TTC9C: variants seen among roughly 807,000 people sequenced by gnomAD.
TTC9C encodes tetratricopeptide repeat domain 9C.
A neutral mutation model predicts 22.5 loss-of-function variants in TTC9C; 15 were observed. The ratio of observed to expected loss-of-function variants is 0.67; its 90% CI spans 0.45 to 1.03. The LOEUF is 1.03. TTC9C is among the 50% of genes least tolerant of loss of function. TTC9C has a pLI of 0.00. For missense variants in TTC9C, 244 were observed against 214.6 expected, an observed-to-expected ratio of 1.14 and a Z score of -0.86; for synonymous variants, 92 against 86.8, an observed-to-expected ratio of 1.06 and a Z score of -0.33.
chr11:62,729,090 A>C lies in TTC9C; in HGVS notation c.238+4A>C, dbSNP rs761169041. 4 of 1,612,920 alleles carry C rather than the reference A, an allele frequency of 2.5e-6. No individual in the cohort carries two copies. In the South Asian group the frequency reaches 3.3e-5, roughly 13 times the overall value. On this transcript the variant is annotated splice_donor_region_variant and intron_variant, in intron 1 of 2. Coordinates refer to ENST00000316461, the MANE Select transcript of TTC9C (RefSeq NM_173810.4). The stretch of plus-strand genomic sequence containing the variant: ...GACTGCTATAACAATCTAGCTGGTA[A>C]GAACGGGGCTAAAGGGTGGCTAGAG...
intron 1 of TTC9C, among the ~76,000 whole-genome samples, chr11:62,732,347 G>T (rs984167021): frequency 2.6e-5 from 4 of 151,842 alleles, no homozygotes; most frequent in Non-Finnish European, 5.9e-5. Flanking sequence ...GGTGGCTCAT[G>T]TCTGTAATCC....
chr11:62,728,432 C>G (rs544425415), upstream of TTC9C: 2 of 452,726 alleles, frequency 4.4e-6, no homozygotes, highest in South Asian at 1.6e-5. Context: ...GTCCCGCCCA[C>G]TCCCTTCTAC....
intron 1 of TTC9C, among the ~76,000 whole-genome samples, chr11:62,732,330 C>T (rs1317171560): frequency 1.3e-5 from 2 of 150,768 alleles, no homozygotes; most frequent in African/African-American, 2.4e-5. Flanking sequence ...TTACTTGGGC[C>T]GGGCATGGTG....
rs1418732151 is a variant in TTC9C at position 62,728,818 on chromosome 11, C to G, written c.-31C>G. 6.2e-7 allele frequency: 1 copy of G among 1,609,994 alleles called. No homozygotes were observed. The highest frequency in any genetic ancestry group is 1.3e-5 in the African/African-American group (1 of 74,776). ...CAGAGCTTCACTTGCTCCTTCACTT[C>G]CCAGTTCCGCAAGAACCGTGGGCGA... On this transcript the variant is annotated 5_prime_UTR_variant, in exon 1 of 3. Transcript: ENST00000316461.
In TTC9C at chr11:62,733,075, T is replaced by C. The variant is rs1255602635; in HGVS notation, c.239-2307T>C. The stretch of plus-strand genomic sequence containing the variant: ...CTCATCACTGCTGATTCTTGATCTT[T>C]CTCAGCACCATGATTTAATAATACT... On this transcript the variant is annotated intron_variant, in intron 1 of 2. Transcript: ENST00000316461. The C allele has an allele frequency of 1.5e-5, 18 of 1,182,922 alleles. No homozygotes were observed. In the East Asian group the frequency reaches 2.9e-4, roughly 19 times the overall value. The allele number at this position is 1,182,922 out of a possible 1,614,324, so 73.3% of individuals were successfully genotyped here. A position where few individuals can be genotyped will look rare whatever the true frequency, so the allele number is the denominator to read the frequency against.
chr11:62,728,338 G>C (rs1276717013), upstream of TTC9C: 3 of 360,722 alleles, frequency 8.3e-6, no homozygotes, highest in Non-Finnish European at 1.6e-5. Context: ...CGGCTTCCCA[G>C]TTTATTTATT....
At chr11:62,729,851 C>T (rs2083826543) in intron 1 of TTC9C, among the ~76,000 whole-genome samples, 2 of 152,178 alleles carry the variant, frequency 1.3e-5, no homozygotes, top group African/African-American at 4.8e-5. Flanking sequence ...GCTGGGATTA[C>T]ATGCGTGAGC....
chr11:62,738,201 A>G (rs2083933068), intron 2 of TTC9C, 87 bp from the exon 3 acceptor site: 3 of 734,042 alleles, frequency 4.1e-6, no homozygotes, highest in Non-Finnish European at 6.9e-6. Flanking sequence ...AAATGGGAGC[A>G]TGTTAACATT....
chr11:62,732,651 T>C (rs1590911695), intron 1 of TTC9C, among the ~76,000 whole-genome samples: 1 of 148,840 alleles, frequency 6.7e-6, no homozygotes, highest in Admixed American at 6.7e-5. Flanking sequence ...CCAGGTGCGG[T>C]GGCTCACGCC....
At chr11:62,729,984 A>G (rs1565169679) in intron 1 of TTC9C, among the ~76,000 whole-genome samples, 1 of 152,206 alleles carries the variant, frequency 6.6e-6, no homozygotes, top group Non-Finnish European at 1.5e-5. Context: ...TATTTAAGGG[A>G]CATTTAATAT....
Position 62,729,097 on chromosome 11 carries a change from G to A in TTC9C, c.238+11G>A. ...ATAACAATCTAGCTGGTAAGAACGG[G>A]GCTAAAGGGTGGCTAGAGAGCATTA... On this transcript the variant is annotated intron_variant, in intron 1 of 2. Coordinates refer to ENST00000316461, the MANE Select transcript of TTC9C (RefSeq NM_173810.4). The A allele has an allele frequency of 1.9e-6, 3 of 1,609,910 alleles. No homozygotes were observed. The South Asian group carries it at 3.3e-5, about 18-fold the overall frequency.
chr11:62,738,162 C>T (rs1341872392), intron 2 of TTC9C, 126 bp from the exon 3 acceptor site: 7 of 515,610 alleles, frequency 1.4e-5, no homozygotes, highest in South Asian at 3.2e-5. Flanking sequence ...AGAATGGTTG[C>T]GATATATTCA....
Position 62,738,388 on chromosome 11 carries a change from AAG to A in TTC9C, c.*8_*9del, listed in dbSNP as rs765534427. ...ACCTGGGCATGTTTGGTTAACAAAG[AAG>A]AAAGATGCTCCTCCAGTTGAACTTA... On this transcript the variant is annotated 3_prime_UTR_variant, in exon 3 of 3. Transcript: ENST00000316461. 6.3e-7 allele frequency: 1 copy of A among 1,589,790 alleles called. No individual in the cohort carries two copies.
rs1001239413 is a variant in TTC9C at position 62,728,951 on chromosome 11, C to T, written c.103C>T (p.Leu35=). Residue 35 remains leucine (L), a synonymous_variant, in exon 1 of 3, where the codon CTG becomes TTG. Transcript: ENST00000316461. ...TGCTGTGAGTAGGTACCATCGAGCTCTGCTTCAGCTGCGGGGTCTGGATCC... is the reference window on the plus strand; with the variant it reads ...TGCTGTGAGTAGGTACCATCGAGCTTTGCTTCAGCTGCGGGGTCTGGATCC... ...RDAVSRYHRA[L]LQLRGLDPSL... The T allele has an allele frequency of 1.9e-6, 3 of 1,614,150 alleles. No homozygotes were observed. Among genetic ancestry groups the T allele is most frequent in the Non-Finnish European group, 2.5e-6 (3 of 1,180,024 alleles).
chr11:62,732,151 A>G (rs2083858582), intron 1 of TTC9C, among the ~76,000 whole-genome samples: 2 of 146,182 alleles, frequency 1.4e-5, no homozygotes, highest in Non-Finnish European at 3.0e-5. Context: ...GCCCGCCACC[A>G]CGCCTGGCTA....
rs767809194 is a variant in TTC9C at position 62,728,955 on chromosome 11, T to C, written c.107T>C (p.Leu36Pro). 6.2e-7 allele frequency: 1 copy of C among 1,614,174 alleles called. No homozygotes were observed. Among genetic ancestry groups the C allele is most frequent in the South Asian group, 1.1e-5 (1 of 91,074 alleles). ...GTGAGTAGGTACCATCGAGCTCTGC[T>C]TCAGCTGCGGGGTCTGGATCCGAGT... is the stretch of plus-strand genomic sequence containing the variant. Reference protein sequence around the residue: ...DAVSRYHRALLQLRGLDPSLP... With the variant: ...DAVSRYHRALPQLRGLDPSLP... The change falls in exon 1 of 3, where the codon CTT becomes CCT. Residue 36 changes from leucine to proline, a missense_variant. Leu to Pro is a moderately conservative substitution (Grantham distance 98). Coordinates refer to ENST00000316461, the MANE Select transcript of TTC9C (RefSeq NM_173810.4).
chr11:62,738,451 A>G lies in TTC9C; in HGVS notation c.*69A>G. The G allele has an allele frequency of 8.8e-7, 1 of 1,135,678 alleles. No homozygotes were observed. Among genetic ancestry groups the G allele is most frequent in the African/African-American group, 1.5e-5 (1 of 64,580 alleles). The allele number at this position is 1,135,678 out of a possible 1,614,324, so 70.4% of individuals were successfully genotyped here. A position where few individuals can be genotyped will look rare whatever the true frequency, so the allele number is the denominator to read the frequency against. Reference sequence around the variant, plus strand: ...TAAACATGCATGAAGGAGAAATCTGAGCCTCAGCAAGAGAAATTAACCCTA... The same window carrying G: ...TAAACATGCATGAAGGAGAAATCTGGGCCTCAGCAAGAGAAATTAACCCTA... On this transcript the variant is annotated 3_prime_UTR_variant, in exon 3 of 3. Transcript: ENST00000316461.
At position 62,738,513 on chromosome 11, in the gene TTC9C, G is replaced by GCA. The variant is rs1210405108; in HGVS notation, c.*134_*135dup. The GCA allele has an allele frequency of 1.7e-6, 1 of 602,350 alleles. No individual in the cohort carries two copies. Among genetic ancestry groups the GCA allele is most frequent in the Non-Finnish European group, 2.9e-6 (1 of 340,518 alleles). 37.3% of individuals were successfully genotyped at this position (602,350 alleles called of 1,614,324 possible). On this transcript the variant is annotated 3_prime_UTR_variant, in exon 3 of 3. Coordinates refer to ENST00000316461, the MANE Select transcript of TTC9C (RefSeq NM_173810.4). ...CAGGTGGATTTTTGTTTCTAGTTCT[G>GCA]CACAAACTTCACTACTTAGACAGTC...
upstream of TTC9C, chr11:62,728,406 T>C (rs763749706): frequency 2.5e-6 from 1 of 406,048 alleles, no homozygotes; most frequent in Non-Finnish European, 4.9e-6. Flanking sequence ...TGAAGCCCTC[T>C]GGAGTTTTAG....
Sources: gnomAD v4.1 joint callset for allele counts (sites outside exome capture counted in the v4.1 genomes callset) on GRCh38, gnomAD v4.1.1 for gene constraint, MANE v1.5 for transcripts, NCBI Gene and HGNC (gene_info 2026-07-23, HGNC 2026-07-21) for gene names.